SLC37A3: variants seen among roughly 807,000 people sequenced by gnomAD.
SLC37A3 encodes the protein sugar phosphate exchanger 3.
Under a neutral mutation model 67.1 loss-of-function variants are expected in SLC37A3, and 51 were observed. The observed-to-expected ratio is 0.76, with a 90% CI of 0.61 to 0.96. The LOEUF (loss-of-function observed/expected upper bound fraction) is 0.96. SLC37A3 is among the 40% of genes least tolerant of loss of function. The pLI, the probability that SLC37A3 is intolerant of heterozygous loss-of-function variation, is 0.00. For missense variants in SLC37A3, 508 were observed against 603.0 expected, an observed-to-expected ratio of 0.84 and a Z score of 1.65; for synonymous variants, 214 against 231.4, an observed-to-expected ratio of 0.92 and a Z score of 0.68.
In SLC37A3 at chr7:140,335,106, C is replaced by G. The variant is rs897322062; in HGVS notation, c.*306G>C. ...TCCAAAACAACAGTTAAGGTTAAAA[C>G]GCTAAACCTCAATAGGCCAAACAAA... On this transcript the variant is annotated 3_prime_UTR_variant, in exon 15 of 15. Coordinates refer to ENST00000326232, the MANE Select transcript of SLC37A3 (RefSeq NM_207113.3). 2.0e-6 allele frequency: 2 copies of G among 994,560 alleles called. No homozygotes were observed. The highest frequency in any genetic ancestry group is 5.3e-5 in the East Asian group (2 of 38,054). 61.6% of individuals were successfully genotyped at this position (994,560 alleles called of 1,614,324 possible). A position where few individuals can be genotyped will look rare whatever the true frequency, so the allele number is the denominator to read the frequency against.
intron 3 of SLC37A3, among the ~76,000 whole-genome samples, chr7:140,376,708 A>G (rs993530760): frequency 5.9e-5 from 9 of 152,188 alleles, no homozygotes; most frequent in African/African-American, 1.9e-4. Context: ...AGTTCTTTGC[A>G]TAAGGCGAGC....
rs1374454939 is a variant in SLC37A3, at chr7:140,364,417, A to G, written c.366T>C (p.Ser122=). The part of the protein sequence containing the change: ...RWVLSFGMCS[S]ALVVFVFGAL... ...AGACCTTTCAACTTACCACTAATGC[A>G]GAAGAGCACATGCCAAAAGACAGAA... Residue 122 remains serine, a synonymous_variant, in exon 5 of 15, where the codon TCT becomes TCC. Coordinates refer to ENST00000326232, the MANE Select transcript of SLC37A3 (RefSeq NM_207113.3). 6.8e-6 allele frequency: 11 copies of G among 1,613,868 alleles called. No individual in the cohort carries two copies. Among genetic ancestry groups the G allele is most frequent in the Non-Finnish European group, 9.3e-6 (11 of 1,179,976 alleles).
At chr7:140,356,203 A>AAAAC (rs1554424249) in intron 6 of SLC37A3, among the ~76,000 whole-genome samples, 8 of 151,580 alleles carry the variant, frequency 5.3e-5, no homozygotes, top group African/African-American at 1.7e-4. Context: ...CCCAAAAAAA[A>AAAAC]AAAACAAAAC....
intron 13 of SLC37A3, among the ~76,000 whole-genome samples, chr7:140,338,921 T>C (rs1026312203): frequency 3.3e-5 from 5 of 151,446 alleles, no homozygotes; most frequent in Admixed American, 1.3e-4. Context: ...CCCGCCCAGC[T>C]AATTTTTGTA....
intron 3 of SLC37A3, among the ~76,000 whole-genome samples, chr7:140,375,602 A>G (rs1240307744): frequency 5.3e-5 from 8 of 152,240 alleles, no homozygotes; most frequent in African/African-American, 1.9e-4. Context: ...ACAAGGTTCA[A>G]GGGTGGCACA....
At position 140,351,290 on chromosome 7, in the gene SLC37A3, G is replaced by A. The variant is rs1468053682; in HGVS notation, c.865C>T (p.Leu289Phe). ...KAISFYQACC[L>F]PGVIPYSLAY... ...GTCCTTACCGGTATGACTCCAGGAA[G>A]GCAACATGCCTGGTAGAAGCTTATC... Residue 289 changes from leucine to phenylalanine, a missense_variant, in exon 9 of 15, where the codon CTT becomes TTT. Leu to Phe is a conservative substitution (Grantham distance 22). Coordinates refer to ENST00000326232, the MANE Select transcript of SLC37A3 (RefSeq NM_207113.3). 2.5e-6 allele frequency: 4 copies of A among 1,614,132 alleles called. No individual in the cohort carries two copies. The highest frequency in any genetic ancestry group is 3.4e-6 in the Non-Finnish European group (4 of 1,179,990).
intron 5 of SLC37A3, among the ~76,000 whole-genome samples, chr7:140,360,837 G>A (rs1797238251): frequency 1.3e-5 from 2 of 151,964 alleles, no homozygotes; most frequent in Non-Finnish European, 2.9e-5. Flanking sequence ...GCCACCCGGG[G>A]AGAGCTAATA....
chr7:140,358,491 G>A (rs2117119315), intron 6 of SLC37A3, 149 bp downstream of exon 6: 1 of 1,094,046 alleles, frequency 9.1e-7, no homozygotes. Context: ...ACACTGACGT[G>A]AAACCCTCTC....
chr7:140,342,112 C>T (rs984097107), intron 13 of SLC37A3, among the ~76,000 whole-genome samples: 5 of 152,156 alleles, frequency 3.3e-5, no homozygotes, highest in African/African-American at 7.2e-5. Flanking sequence ...CAAAATGCTG[C>T]GCTCAGGAAG....
chr7:140,397,878 C>T (rs1293716104), intron 1 of SLC37A3, among the ~76,000 whole-genome samples: 1 of 152,178 alleles, frequency 6.6e-6, no homozygotes, highest in Non-Finnish European at 1.5e-5. Flanking sequence ...AGAACACACC[C>T]TGCGAAGAAT....
rs1405341493 is a variant in SLC37A3, at chr7:140,348,919, C to T, written c.883-152G>A. The T allele has an allele frequency of 6.8e-6, 6 of 879,692 alleles. No homozygotes were observed. In the East Asian group the frequency reaches 1.3e-4, roughly 20 times the overall value. 54.5% of individuals were successfully genotyped at this position (879,692 alleles called of 1,614,324 possible). A position where few individuals can be genotyped will look rare whatever the true frequency, so the allele number is the denominator to read the frequency against. On this transcript the variant is annotated intron_variant, in intron 9 of 14. Coordinates refer to ENST00000326232, the MANE Select transcript of SLC37A3 (RefSeq NM_207113.3). ...AACATCTCTACAAACTCCCACATGC[C>T]TGACTTCAGCTAGTCTCCCTCTGCT...
At chr7:140,391,740 G>T (rs1798733438) in intron 1 of SLC37A3, among the ~76,000 whole-genome samples, 1 of 152,138 alleles carries the variant, frequency 6.6e-6, no homozygotes, top group African/African-American at 2.4e-5. Context: ...CCCCTCCTGA[G>T]CAAGTAACTC....
intron 1 of SLC37A3, among the ~76,000 whole-genome samples, chr7:140,389,705 C>T (rs984457962): frequency 6.6e-6 from 1 of 152,164 alleles, no homozygotes; most frequent in East Asian, 1.9e-4. Flanking sequence ...AAGATGACTT[C>T]GCACTGCAGC....
chr7:140,361,731 T>TG (rs1797308449), intron 5 of SLC37A3, among the ~76,000 whole-genome samples: 1 of 149,916 alleles, frequency 6.7e-6, no homozygotes, highest in Admixed American at 6.6e-5. Flanking sequence ...GTTTTTTTTT[T>TG]GGTGGAGACG....
At chr7:140,342,460 C>T (rs1005468190) in intron 13 of SLC37A3, among the ~76,000 whole-genome samples, 4 of 152,198 alleles carry the variant, frequency 2.6e-5, no homozygotes, top group Non-Finnish European at 5.9e-5. Context: ...TCTTTGACCA[C>T]TGGGCATTCC....
At position 140,343,363 on chromosome 7, in the gene SLC37A3, G is replaced by A. The variant is rs111278005; in HGVS notation, c.1326+49C>T. ...CCAGAGGGCAGGTTCACATTCAGCCGCCTTTGAGGGAAGACACTAGAATCC... is the reference window on the plus strand; with the variant it reads ...CCAGAGGGCAGGTTCACATTCAGCCACCTTTGAGGGAAGACACTAGAATCC... On this transcript the variant is annotated intron_variant, in intron 13 of 14. Transcript: ENST00000326232. 0.063 allele frequency: 101,710 copies of A among 1,610,140 alleles called. 3,502 individuals carry two copies. Among genetic ancestry groups the A allele is most frequent in the Non-Finnish European group, 0.072 (84,909 of 1,179,064 alleles).
At chr7:140,341,228 T>C (rs6943894) in intron 13 of SLC37A3, among the ~76,000 whole-genome samples, 147,629 of 152,292 alleles carry the variant, frequency 0.97, 71,584 homozygotes, top group East Asian at 1. Flanking sequence ...CCACCACACC[T>C]AGCCTCATGT....
chr7:140,398,088 C>A (rs1799010072), intron 1 of SLC37A3, among the ~76,000 whole-genome samples: 1 of 152,196 alleles, frequency 6.6e-6, no homozygotes, highest in Non-Finnish European at 1.5e-5. Context: ...CTGATCAAGT[C>A]AGAATCTCCC....
chr7:140,335,619 G>A (rs750495185), intron 14 of SLC37A3, 115 bp from the exon 15 acceptor site: 4 of 1,266,024 alleles, frequency 3.2e-6, no homozygotes, highest in East Asian at 2.4e-5. Context: ...TTCATACAAA[G>A]ATAATGTTTA....
Sources: allele counts gnomAD v4.1 joint callset (sites outside exome capture counted in the v4.1 genomes callset), GRCh38; gene constraint gnomAD v4.1.1; transcripts MANE v1.5; gene names NCBI Gene and HGNC (gene_info 2026-07-23, HGNC 2026-07-21).